ARHGAP15: variants seen among roughly 807,000 people sequenced by gnomAD.
The protein encoded by ARHGAP15 is Rho GTPase activating protein 15, also known as rho GTPase-activating protein 15.
A neutral mutation model predicts 63.7 loss-of-function variants in ARHGAP15; 51 were observed. The ratio of observed to expected loss-of-function variants is 0.80; its 90% CI spans 0.64 to 1.01. ARHGAP15 has a LOEUF of 1.01. ARHGAP15 is among the 50% of genes least tolerant of loss of function. ARHGAP15 has a pLI of 0.00. For missense variants in ARHGAP15, 560 were observed against 564.6 expected, an observed-to-expected ratio of 0.99 and a Z score of 0.08; for synonymous variants, 191 against 193.8, an observed-to-expected ratio of 0.99 and a Z score of 0.12.
At chr2:143,692,008 G>A (rs533206193) in intron 12 of ARHGAP15, among the ~76,000 whole-genome samples, 19 of 152,336 alleles carry the variant, frequency 1.2e-4, no homozygotes, top group African/African-American at 4.3e-4. Context: ...CAGTGCAAAA[G>A]AGGATATCTG....
intron 11 of ARHGAP15, among the ~76,000 whole-genome samples, chr2:143,611,824 C>T (rs949285813): frequency 1.3e-5 from 2 of 152,200 alleles, no homozygotes; most frequent in Non-Finnish European, 2.9e-5. Context: ...AGATAACTTG[C>T]ATAACTAGCT....
intron 6 of ARHGAP15, chr2:143,344,287 A>G (rs1217743051): frequency 6.6e-6 from 1 of 152,182 alleles, no homozygotes; most frequent in Admixed American, 6.6e-5. Flanking sequence ...TAATGCATTT[A>G]TCAAGAGCAG....
At chr2:143,606,784 C>G (rs1175525309) in intron 11 of ARHGAP15, 1 of 152,152 alleles carries the variant, frequency 6.6e-6, no homozygotes, top group African/African-American at 2.4e-5. Context: ...GCTCTGACCA[C>G]ATGTATGAGA....
At chr2:143,316,396 A>G (rs1414667765) in intron 6 of ARHGAP15, among the ~76,000 whole-genome samples, 1 of 151,786 alleles carries the variant, frequency 6.6e-6, no homozygotes, top group African/African-American at 2.4e-5. Flanking sequence ...ATTTGAGAAG[A>G]ACTCCCCAGC....
intron 6 of ARHGAP15, among the ~76,000 whole-genome samples, chr2:143,338,772 C>G (rs754468466): frequency 2.6e-5 from 4 of 152,116 alleles, no homozygotes; most frequent in Non-Finnish European, 5.9e-5. Context: ...ACCTGTGCAC[C>G]AATGCCCTGG....
At chr2:143,736,625 T>C (rs1300308383) in intron 13 of ARHGAP15, among the ~76,000 whole-genome samples, 1 of 152,180 alleles carries the variant, frequency 6.6e-6, no homozygotes, top group Admixed American at 6.5e-5. Context: ...AAGAATTAAG[T>C]GGGTAATATA....
At chr2:143,467,242 C>CTTTTTTTTTTT (rs202115707) in intron 8 of ARHGAP15, among the ~76,000 whole-genome samples, 26 of 57,884 alleles carry the variant, frequency 4.5e-4, no homozygotes, top group African/African-American at 5.3e-4. Flanking sequence ...ACTCCATGGC[C>CTTTTTTTTTTT]TTTTTTTTTT....
At chr2:143,400,364 G>T (rs1309932376) in intron 6 of ARHGAP15, among the ~76,000 whole-genome samples, 1 of 151,894 alleles carries the variant, frequency 6.6e-6, no homozygotes, top group Non-Finnish European at 1.5e-5. Flanking sequence ...TTTGTAAATA[G>T]GGTAAAATTC....
chr2:143,672,853 C>T (rs1456947928), intron 12 of ARHGAP15, among the ~76,000 whole-genome samples: 2 of 152,130 alleles, frequency 1.3e-5, no homozygotes, highest in Non-Finnish European at 2.9e-5. Flanking sequence ...TGAGACACAA[C>T]AATTTTGCAT....
At chr2:143,723,116 A>G (rs542119298) in intron 13 of ARHGAP15, among the ~76,000 whole-genome samples, 1 of 152,356 alleles carries the variant, frequency 6.6e-6, no homozygotes, top group East Asian at 1.9e-4. Context: ...TATTTAGTAC[A>G]GTAACATGCT....
intron 11 of ARHGAP15, among the ~76,000 whole-genome samples, chr2:143,595,622 C>T (rs1241387307): frequency 6.6e-6 from 1 of 151,878 alleles, no homozygotes; most frequent in East Asian, 1.9e-4. Flanking sequence ...TAGTAGATGC[C>T]AAATTAAGAC....
In ARHGAP15 at chr2:143,589,204, A is replaced by G. The variant is rs568279670; in HGVS notation, c.1003+32719A>G. ...TTTCATTGCCTAAATATATACTTCC[A>G]CTTAAGTAGTCACTGGTCACTGGAA... is the stretch of plus-strand genomic sequence containing the variant. On this transcript the variant is annotated intron_variant, in intron 11 of 13. Coordinates refer to ENST00000295095, the MANE Select transcript of ARHGAP15 (RefSeq NM_018460.4). 3.9e-5 allele frequency among the ~76,000 whole-genome samples: 6 copies of G among 152,306 alleles called. No homozygotes were observed. The East Asian group carries it at 1.2e-3, about 29-fold the overall frequency.
chr2:143,536,742 A>G lies in ARHGAP15; in HGVS notation c.925+17378A>G, dbSNP rs1416486157. 9.2e-5 allele frequency among the ~76,000 whole-genome samples: 14 copies of G among 151,828 alleles called. 1 individual carries two copies. Among genetic ancestry groups the G allele is most frequent in the African/African-American group, 3.4e-4 (14 of 41,424 alleles). On this transcript the variant is annotated intron_variant, in intron 10 of 13. Coordinates refer to ENST00000295095, the MANE Select transcript of ARHGAP15 (RefSeq NM_018460.4). ...GGCTGCATAGTATTCCATGGTGTAT[A>G]TGTGCCACATTTTCTTAATCCAGTC...
chr2:143,459,881 A>G (rs1168063464), intron 8 of ARHGAP15, among the ~76,000 whole-genome samples: 1 of 152,174 alleles, frequency 6.6e-6, no homozygotes, highest in African/African-American at 2.4e-5. Flanking sequence ...AGTATGAAGC[A>G]TACTTAGAAT....
chr2:143,377,267 CA>C (rs1477791822), intron 6 of ARHGAP15, among the ~76,000 whole-genome samples: 1 of 151,958 alleles, frequency 6.6e-6, no homozygotes, highest in Non-Finnish European at 1.5e-5. Context: ...CTTTAGTGAT[CA>C]TTTATTCTAG....
intron 8 of ARHGAP15, among the ~76,000 whole-genome samples, chr2:143,442,519 G>C (rs1043566970): frequency 6.6e-6 from 1 of 152,122 alleles, no homozygotes; most frequent in Admixed American, 6.6e-5. Context: ...AAAGTCCCCA[G>C]TAGTGGCAGG....
intron 6 of ARHGAP15, among the ~76,000 whole-genome samples, chr2:143,421,766 GTATATA>G (rs59677710): frequency 0.015 from 1,619 of 108,940 alleles, 37 homozygotes; most frequent in African/African-American, 0.047. Context: ...TGCACATGGT[GTATATA>G]TATATATATA....
intron 4 of ARHGAP15, among the ~76,000 whole-genome samples, chr2:143,225,442 G>A (rs188425453): frequency 1.1e-3 from 168 of 152,048 alleles, no homozygotes; most frequent in Non-Finnish European, 8.4e-4. Flanking sequence ...TCTATTAAAA[G>A]TACAAAAAAT....
chr2:143,144,574 A>G (rs1009755256), intron 1 of ARHGAP15, among the ~76,000 whole-genome samples: 1 of 152,032 alleles, frequency 6.6e-6, no homozygotes, highest in Non-Finnish European at 1.5e-5. Context: ...TTCCAGCAAT[A>G]TTTATGACTG....
Sources: allele counts gnomAD v4.1 joint callset (sites outside exome capture counted in the v4.1 genomes callset), GRCh38; gene constraint gnomAD v4.1.1; transcripts MANE v1.5; gene names NCBI Gene and HGNC (gene_info 2026-07-23, HGNC 2026-07-21).